Variants in MTHFD1L observed in about 807,000 individuals in gnomAD.
The protein encoded by MTHFD1L is monofunctional C1-tetrahydrofolate synthase, mitochondrial.
MTHFD1L carries 81 observed loss-of-function variants against 119.5 expected under a neutral mutation model. The ratio of observed to expected loss-of-function variants is 0.68; its 90% CI spans 0.57 to 0.82. The LOEUF is 0.82. Ranked by LOEUF, MTHFD1L falls within the 40% of genes least tolerant of loss-of-function variation. The pLI, the probability that MTHFD1L is intolerant of heterozygous loss-of-function variation, is 0.00. For missense variants in MTHFD1L, 1,125 were observed against 1,253.4 expected, an observed-to-expected ratio of 0.90 and a Z score of 1.55; for synonymous variants, 430 against 475.2, an observed-to-expected ratio of 0.90 and a Z score of 1.24.
intron 20 of MTHFD1L, among the ~76,000 whole-genome samples, chr6:151,005,684 G>T (rs750388433): frequency 1.3e-5 from 2 of 152,166 alleles, no homozygotes; most frequent in Non-Finnish European, 2.9e-5. Flanking sequence ...TGAGGTGGGA[G>T]AATCAATTGA....
intron 11 of MTHFD1L, among the ~76,000 whole-genome samples, chr6:150,934,662 T>A (rs1174761099): frequency 6.6e-6 from 1 of 152,190 alleles, no homozygotes; most frequent in East Asian, 1.9e-4. Flanking sequence ...TCCTTAGGTT[T>A]TGTAGATCAG....
At chr6:150,927,993 C>T (rs1790333395) in intron 11 of MTHFD1L, among the ~76,000 whole-genome samples, 2 of 152,134 alleles carry the variant, frequency 1.3e-5, no homozygotes, top group South Asian at 4.1e-4. Flanking sequence ...TATTGATGGG[C>T]AATCAAAGTG....
Position 151,001,171 on chromosome 6 carries a change from A to T in MTHFD1L, c.2126-8648A>T, listed in dbSNP as rs555759768. 2.0e-5 allele frequency among the ~76,000 whole-genome samples: 3 copies of T among 152,308 alleles called. No homozygotes were observed. The South Asian group carries it at 6.2e-4, about 32-fold the overall frequency. On this transcript the variant is annotated intron_variant, in intron 20 of 27. Coordinates refer to ENST00000367321, the MANE Select transcript of MTHFD1L (RefSeq NM_015440.5). ...CGTAATGGTGAACTCAATATGTTGT[A>T]TATTTGATATATGTTTGTTGCACAC... is the stretch of plus-strand genomic sequence containing the variant.
chr6:151,083,254 G>A (rs564410982), intron 26 of MTHFD1L, among the ~76,000 whole-genome samples: 1 of 152,098 alleles, frequency 6.6e-6, no homozygotes, highest in Non-Finnish European at 1.5e-5. Context: ...CTGGAGTGCA[G>A]TGGTGCCATC....
At chr6:151,080,510 G>A (rs190790373) in intron 26 of MTHFD1L, among the ~76,000 whole-genome samples, 105 of 152,308 alleles carry the variant, frequency 6.9e-4, no homozygotes, top group African/African-American at 2.5e-3. Context: ...AGTGTTCTGT[G>A]TATAGAAGCC....
intron 26 of MTHFD1L, among the ~76,000 whole-genome samples, chr6:151,070,031 C>T (rs1791790751): frequency 6.6e-6 from 1 of 152,140 alleles, no homozygotes; most frequent in South Asian, 2.1e-4. Context: ...ACACATACCA[C>T]CTCTGGCCCA....
intron 1 of MTHFD1L, among the ~76,000 whole-genome samples, chr6:150,874,786 G>A (rs895852526): frequency 8.6e-5 from 13 of 150,964 alleles, no homozygotes; most frequent in African/African-American, 2.2e-4. Context: ...TTTTTGAGAC[G>A]GAGTCTTGCT....
intron 26 of MTHFD1L, among the ~76,000 whole-genome samples, chr6:151,047,438 A>G (rs1436843597): frequency 6.6e-6 from 1 of 152,132 alleles, no homozygotes; most frequent in African/African-American, 2.4e-5. Flanking sequence ...TTTATGTTGG[A>G]TTAAATGATC....
rs900341122 is a variant in MTHFD1L, at chr6:150,888,074, A to G, written c.780+93A>G. 3 of 1,344,316 alleles carry G rather than the reference A, an allele frequency of 2.2e-6. No homozygotes were observed. In the African/African-American group the frequency reaches 4.5e-5, roughly 20 times the overall value. 83.3% of individuals were successfully genotyped at this position (1,344,316 alleles called of 1,614,324 possible). ...ATAAGCTAAGTGCTTAATTCAAGAAATTAGAGGAAGAAAATTGAATAGACC... is the reference window on the plus strand; with the variant it reads ...ATAAGCTAAGTGCTTAATTCAAGAAGTTAGAGGAAGAAAATTGAATAGACC... On this transcript the variant is annotated intron_variant, in intron 7 of 27. Transcript: ENST00000367321.
intron 26 of MTHFD1L, among the ~76,000 whole-genome samples, chr6:151,072,148 C>A (rs531402318): frequency 1.3e-5 from 2 of 149,952 alleles, no homozygotes; most frequent in African/African-American, 4.9e-5. Context: ...TTTTTTATGG[C>A]CCCTTTTAAA....
intron 1 of MTHFD1L, among the ~76,000 whole-genome samples, chr6:150,873,951 G>A (rs998631696): frequency 1.3e-5 from 2 of 152,152 alleles, no homozygotes; most frequent in Non-Finnish European, 2.9e-5. Context: ...GATTATAGGT[G>A]TGAGCCACTG....
chr6:151,099,537 C>G, intron 27 of MTHFD1L: 1 of 1,602,744 alleles, frequency 6.2e-7, no homozygotes, highest in Non-Finnish European at 8.5e-7. Context: ...TGGCCGCCCT[C>G]AGACCCCTTG....
At chr6:150,982,726 GTCTC>G (rs1157496336) in intron 20 of MTHFD1L, among the ~76,000 whole-genome samples, 2 of 150,274 alleles carry the variant, frequency 1.3e-5, no homozygotes, top group African/African-American at 2.5e-5. Context: ...TTGAGACAGA[GTCTC>G]TCTCTGTTGC....
At chr6:151,040,430 G>A (rs1645003304) in intron 26 of MTHFD1L, among the ~76,000 whole-genome samples, 1 of 152,128 alleles carries the variant, frequency 6.6e-6, no homozygotes, top group African/African-American at 2.4e-5. Context: ...TAAAAACCAG[G>A]GCCCGCACAG....
chr6:150,952,441 G>T (rs896987466), intron 16 of MTHFD1L, among the ~76,000 whole-genome samples: 1 of 152,198 alleles, frequency 6.6e-6, no homozygotes, highest in Non-Finnish European at 1.5e-5. Flanking sequence ...GTGCACGGTG[G>T]TGGGAGTGAG....
At chr6:150,900,225 A>G (rs1366642119) in intron 7 of MTHFD1L, among the ~76,000 whole-genome samples, 1 of 151,912 alleles carries the variant, frequency 6.6e-6, no homozygotes, top group African/African-American at 2.4e-5. Context: ...CCTAATTGCC[A>G]AAAGTGTATT....
chr6:151,073,026 G>A (rs1792104375), intron 26 of MTHFD1L, among the ~76,000 whole-genome samples: 1 of 152,144 alleles, frequency 6.6e-6, no homozygotes, highest in East Asian at 1.9e-4. Context: ...TGGAAACAAA[G>A]TGAGTCCTAT....
chr6:150,982,361 A>G (rs4242276), intron 20 of MTHFD1L, among the ~76,000 whole-genome samples: 51,554 of 152,030 alleles, frequency 0.34, 10,347 homozygotes, highest in African/African-American at 0.56. Flanking sequence ...TCTCTATGTC[A>G]CTGTGATCCA....
At position 150,951,033 on chromosome 6, in the gene MTHFD1L, G is replaced by GTT. The variant is rs562283052; in HGVS notation, c.1726+1909_1726+1910dup. ...CTAAAATCTCCTTGGAAACTTTATGGTTTTTTTTTTGTTTTTTTTTTGAGA... is the reference window on the plus strand; with the variant it reads ...CTAAAATCTCCTTGGAAACTTTATGGTTTTTTTTTTTTGTTTTTTTTTTGAGA... On this transcript the variant is annotated intron_variant, in intron 16 of 27. Transcript: ENST00000367321. 3.7e-3 allele frequency among the ~76,000 whole-genome samples: 467 copies of GTT among 125,914 alleles called. 27 individuals carry two copies. Among genetic ancestry groups the GTT allele is most frequent in the African/African-American group, 8.8e-3 (303 of 34,604 alleles). 82.6% of individuals were successfully genotyped at this position (125,914 alleles called of 152,430 possible). A position where few individuals can be genotyped will look rare whatever the true frequency, so the allele number is the denominator to read the frequency against.
Sources: allele counts gnomAD v4.1 joint callset (sites outside exome capture counted in the v4.1 genomes callset), GRCh38; gene constraint gnomAD v4.1.1; transcripts MANE v1.5; gene names NCBI Gene and HGNC (gene_info 2026-07-23, HGNC 2026-07-21).